GPC6: variants seen among roughly 807,000 people sequenced by gnomAD.
GPC6 encodes the protein glypican 6.
A neutral mutation model predicts 55.2 loss-of-function variants in GPC6; 14 were observed. The observed-to-expected ratio is 0.25, with a 90% confidence interval of 0.17 to 0.40. The LOEUF (loss-of-function observed/expected upper bound fraction) is 0.40, where lower values mean the gene tolerates loss of function less well. Ranked by LOEUF, GPC6 falls within the 10% of genes least tolerant of loss-of-function variation. The pLI, the probability that GPC6 is intolerant of heterozygous loss-of-function variation, is 1.00. For synonymous variants in GPC6, 278 were observed against 259.6 expected, an observed-to-expected ratio of 1.07 and a Z score of -0.68; for missense variants, 641 against 708.5, an observed-to-expected ratio of 0.90 and a Z score of 1.08.
intron 6 of GPC6, among the ~76,000 whole-genome samples, chr13:94,364,492 C>G (rs538269661): frequency 2.6e-5 from 4 of 152,290 alleles, no homozygotes; most frequent in African/African-American, 9.6e-5. Flanking sequence ...GACATTTGTA[C>G]TCATTAAGTA....
At chr13:93,470,619 T>C (rs72640570) in intron 1 of GPC6, among the ~76,000 whole-genome samples, 1 of 152,276 alleles carries the variant, frequency 6.6e-6, no homozygotes, top group Non-Finnish European at 1.5e-5. Context: ...GTACTGTTTT[T>C]CTCTGGACTT....
At chr13:94,200,456 C>T (rs1889715138) in intron 4 of GPC6, among the ~76,000 whole-genome samples, 1 of 152,154 alleles carries the variant, frequency 6.6e-6, no homozygotes, top group Non-Finnish European at 1.5e-5. Flanking sequence ...GCTTCATTTT[C>T]AACATATGCA....
At chr13:94,037,002 C>G (rs901367275) in intron 4 of GPC6, among the ~76,000 whole-genome samples, 4 of 151,990 alleles carry the variant, frequency 2.6e-5, no homozygotes, top group African/African-American at 9.7e-5. Flanking sequence ...GTGTTCCAAA[C>G]TCTTCTGAGT....
At chr13:93,494,662 C>T (rs1311703843) in intron 1 of GPC6, among the ~76,000 whole-genome samples, 19 of 152,088 alleles carry the variant, frequency 1.2e-4, no homozygotes, top group South Asian at 8.3e-4. Context: ...CGGCTGGTAC[C>T]GGTTGTTCCT....
chr13:93,248,478 T>G (rs185853109), intron 1 of GPC6, among the ~76,000 whole-genome samples: 225 of 150,672 alleles, frequency 1.5e-3, no homozygotes, highest in Non-Finnish European at 2.2e-3. Context: ...TCTGTCACAA[T>G]TACTATAATC....
At chr13:94,229,251 A>G (rs1260828274) in intron 4 of GPC6, among the ~76,000 whole-genome samples, 1 of 152,114 alleles carries the variant, frequency 6.6e-6, no homozygotes, top group Non-Finnish European at 1.5e-5. Flanking sequence ...CCTTTGGTGG[A>G]ATAATCTTGT....
At chr13:94,147,161 T>A (rs1392532240) in intron 4 of GPC6, among the ~76,000 whole-genome samples, 1 of 152,176 alleles carries the variant, frequency 6.6e-6, no homozygotes, top group African/African-American at 2.4e-5. Context: ...ATAAAGATCA[T>A]TTGCAGGTCA....
intron 3 of GPC6, among the ~76,000 whole-genome samples, chr13:94,016,281 A>G (rs931224775): frequency 2.0e-5 from 3 of 152,282 alleles, no homozygotes; most frequent in Middle Eastern, 3.4e-3. Context: ...TCATTCATTC[A>G]TTGATGGACA....
chr13:93,499,649 T>C (rs1880449891), intron 1 of GPC6, among the ~76,000 whole-genome samples: 1 of 152,114 alleles, frequency 6.6e-6, no homozygotes, highest in Non-Finnish European at 1.5e-5. Context: ...TGGACAAAGT[T>C]AGGAAATAGA....
chr13:93,769,816 C>T (rs903842857), intron 2 of GPC6, among the ~76,000 whole-genome samples: 1 of 152,204 alleles, frequency 6.6e-6, no homozygotes, highest in African/African-American at 2.4e-5. Context: ...CTTTCAGCTG[C>T]AGTCAGTGTT....
In GPC6 at chr13:94,407,387, G is replaced by A. The variant is rs1161904242; in HGVS notation, c.*4170G>A. On this transcript the variant is annotated 3_prime_UTR_variant, in exon 9 of 9. Coordinates refer to ENST00000377047, the MANE Select transcript of GPC6 (RefSeq NM_005708.5). The stretch of plus-strand genomic sequence containing the variant: ...TTGCTATTAATCTTGTATTAAAATA[G>A]TTTTTAAAAATCTACCAGTGCCCTT... The A allele has an allele frequency of 6.6e-6, 1 of 151,974 alleles. No individual in the cohort carries two copies. Among genetic ancestry groups the A allele is most frequent in the Non-Finnish European group, 1.5e-5 (1 of 67,970 alleles). The allele number at this position is 151,974 out of a possible 1,614,324, so 9.4% of individuals were successfully genotyped here.
At chr13:94,119,901 G>T (rs1025383664) in intron 4 of GPC6, among the ~76,000 whole-genome samples, 1 of 152,052 alleles carries the variant, frequency 6.6e-6, no homozygotes, top group African/African-American at 2.4e-5. Flanking sequence ...GCTGAATGTG[G>T]AGCTGGGAAG....
intron 3 of GPC6, among the ~76,000 whole-genome samples, chr13:94,010,780 A>G (rs933035757): frequency 1.3e-5 from 2 of 152,170 alleles, no homozygotes; most frequent in Non-Finnish European, 1.5e-5. Flanking sequence ...TTGACCTACA[A>G]CTTAATCAGT....
chr13:93,560,472 A>G (rs919531646), intron 2 of GPC6, among the ~76,000 whole-genome samples: 1 of 152,074 alleles, frequency 6.6e-6, no homozygotes, highest in African/African-American at 2.4e-5. Context: ...GTGACCCATG[A>G]TCACACCACT....
chr13:93,222,145 T>C (rs1360568142), upstream of GPC6, among the ~76,000 whole-genome samples: 3 of 152,242 alleles, frequency 2.0e-5, no homozygotes, highest in Non-Finnish European at 4.4e-5. Flanking sequence ...AAGACCTTTT[T>C]ATTTTGTAAA....
intron 3 of GPC6, among the ~76,000 whole-genome samples, chr13:94,004,253 T>G (rs1003080907): frequency 2.0e-5 from 3 of 152,030 alleles, no homozygotes; most frequent in African/African-American, 7.2e-5. Flanking sequence ...AGTAAGTTGT[T>G]TGCACATTTT....
In GPC6 at chr13:94,404,677, G is replaced by C. The variant is rs1881297369; in HGVS notation, c.*1460G>C. ...GCCATTGGTGTGCAGGGCTTTACCG[G>C]TGATGGAAACTGTATGTGTAAAGAA... On this transcript the variant is annotated 3_prime_UTR_variant, in exon 9 of 9. Transcript: ENST00000377047. 1 of 152,214 alleles carries C rather than the reference G, an allele frequency of 6.6e-6. No homozygotes were observed. Among genetic ancestry groups the C allele is most frequent in the Admixed American group, 6.5e-5 (1 of 15,284 alleles). The allele number at this position is 152,214 out of a possible 1,614,324, so 9.4% of individuals were successfully genotyped here.
chr13:93,216,538 CTT>C, the GPC6 span, among the ~76,000 whole-genome samples: 4 of 151,952 alleles, frequency 2.6e-5, no homozygotes, highest in South Asian at 8.3e-4. Context: ...CACACACACT[CTT>C]GTGTGTGCAG....
At chr13:93,935,101 A>G (rs1378301585) in intron 3 of GPC6, among the ~76,000 whole-genome samples, 1 of 152,094 alleles carries the variant, frequency 6.6e-6, no homozygotes, top group Non-Finnish European at 1.5e-5. Context: ...ACTTGTGTAC[A>G]TGTGTTGTTG....
Sources: allele counts gnomAD v4.1 joint callset (sites outside exome capture counted in the v4.1 genomes callset), GRCh38; gene constraint gnomAD v4.1.1; transcripts MANE v1.5; gene names NCBI Gene and HGNC (gene_info 2026-07-23, HGNC 2026-07-21).